FAM151A: variants seen among roughly 807,000 people sequenced by gnomAD.
The protein encoded by FAM151A is protein FAM151A.
Under a neutral mutation model 40.4 loss-of-function variants are expected in FAM151A, and 41 were observed. That is an observed-to-expected ratio of 1.01 (90% CI 0.79 to 1.32). The LOEUF (loss-of-function observed/expected upper bound fraction) is 1.32. FAM151A is among the 40% of genes most tolerant of loss of function. The pLI is 0.00. For missense variants in FAM151A, 740 were observed against 740.4 expected, an observed-to-expected ratio of 1.00 and a Z score of 0.01; for synonymous variants, 337 against 312.5, an observed-to-expected ratio of 1.08 and a Z score of -0.83.
At position 54,612,683 on chromosome 1, in the gene FAM151A, A is replaced by C. The variant is rs760898323; in HGVS notation, c.603T>G (p.Tyr201Ter). The C allele has an allele frequency of 1.9e-6, 3 of 1,613,890 alleles. No individual in the cohort carries two copies. Among genetic ancestry groups the C allele is most frequent in the Non-Finnish European group, 2.5e-6 (3 of 1,179,962 alleles). ...TQFLALVQEK[Y>*]PKATLSPGWT... ...AGCCTGGAGATAGGGTAGCCTTGGG[A>C]TACTTCTCCTGGACCAGGGCCAGGA... The change falls in exon 5 of 8, where the codon TAT becomes TAG. Residue 201 changes from tyrosine (Y) to a stop codon, truncating the protein, a stop_gained. Coordinates refer to ENST00000302250, the MANE Select transcript of FAM151A (RefSeq NM_176782.3). LOFTEE classifies it high-confidence loss of function.
chr1:54,614,633 C>T, intron 4 of FAM151A, 67 bp downstream of exon 4: 2 of 1,509,482 alleles, frequency 1.3e-6, no homozygotes, highest in Non-Finnish European at 1.8e-6. Flanking sequence ...CCCTAAGATC[C>T]CCATCCTGTG....
Position 54,609,705 on chromosome 1 carries a change from C to T in FAM151A, c.1321G>A (p.Val441Met), listed in dbSNP as rs764148627. ...LSSLGLLHWP[V>M]WVGAKISHGS... ...TGGGAGATTTTGGCCCCAACCCACA[C>T]AGGCCAATGCAAGAGGCCAAGGCTG... The change falls in exon 8 of 8, where the codon GTG becomes ATG. Residue 441 changes from valine (V) to methionine (M), a missense_variant. Coordinates refer to ENST00000302250, the MANE Select transcript of FAM151A (RefSeq NM_176782.3). The T allele has an allele frequency of 1.2e-6, 2 of 1,614,126 alleles. No individual in the cohort carries two copies. Among genetic ancestry groups the T allele is most frequent in the Admixed American group, 1.7e-5 (1 of 60,038 alleles).
Position 54,609,724 on chromosome 1 carries a change from A to G in FAM151A, c.1302T>C (p.Leu434=). 1 of 1,614,126 alleles carries G rather than the reference A, an allele frequency of 6.2e-7. No homozygotes were observed. The highest frequency in any genetic ancestry group is 2.2e-5 in the East Asian group (1 of 44,884). The change falls in exon 8 of 8, where the codon CTT becomes CTC. Residue 434 remains leucine, a synonymous_variant. Coordinates refer to ENST00000302250, the MANE Select transcript of FAM151A (RefSeq NM_176782.3). ...CCCACACAGGCCAATGCAAGAGGCC[A>G]AGGCTGGAGAGGCGTGCCAGCAAGG... The part of the protein sequence containing the change: ...SLALLARLSS[L]GLLHWPVWVG...
At chr1:54,614,931 G>A (rs1644156018) in intron 3 of FAM151A, 72 bp from the exon 4 acceptor site, 2 of 1,359,300 alleles carry the variant, frequency 1.5e-6, no homozygotes, top group Non-Finnish European at 2.0e-6. Context: ...TGGGCAGAAA[G>A]CAGAGCGGGT....
chr1:54,622,991 A>G (rs2101027998), intron 1 of FAM151A, among the ~76,000 whole-genome samples: 1 of 152,116 alleles, frequency 6.6e-6, no homozygotes. Flanking sequence ...CCTGGCCAAC[A>G]TGGTGAAACC....
At position 54,610,520 on chromosome 1, in the gene FAM151A, C is replaced by T; in HGVS notation, c.976G>A (p.Gly326Ser). ...AGCTGGAGAAGAGGGATCAGGCTGC[C>T]TCCCGTGTAGTACATTGGTTTCCGT... is the stretch of plus-strand genomic sequence containing the variant. ...ATRKPMYYTG[G>S]SLIPLLQLPG... Residue 326 changes from glycine (G) to serine (S), a missense_variant, in exon 7 of 8, where the codon GGC becomes AGC. By Grantham distance (56) the Gly-to-Ser change is moderately conservative. Coordinates refer to ENST00000302250, the MANE Select transcript of FAM151A (RefSeq NM_176782.3). 2 of 1,613,530 alleles carry T rather than the reference C, an allele frequency of 1.2e-6. No homozygotes were observed. The highest frequency in any genetic ancestry group is 1.7e-6 in the Non-Finnish European group (2 of 1,179,662).
intron 2 of FAM151A, among the ~76,000 whole-genome samples, chr1:54,617,709 ATTTTTTTTTTTTT>A (rs56229276): frequency 0.012 from 660 of 55,814 alleles, 11 homozygotes; most frequent in African/African-American, 0.043. Flanking sequence ...AGGGCCTGAG[ATTTTTTTTTTTTT>A]TTTTTTTTTT....
intron 4 of FAM151A, 49 bp downstream of exon 4, chr1:54,614,651 T>C (rs778838842): frequency 6.4e-7 from 1 of 1,563,880 alleles, no homozygotes; most frequent in Non-Finnish European, 8.7e-7. Context: ...GTGGTAGGTG[T>C]TGACAGAAGA....
intron 3 of FAM151A, among the ~76,000 whole-genome samples, chr1:54,615,413 G>C (rs1644162403): frequency 6.6e-6 from 1 of 152,140 alleles, no homozygotes; most frequent in African/African-American, 2.4e-5. Flanking sequence ...TAAAAGAGAG[G>C]CGTGGCATGA....
intron 5 of FAM151A, among the ~76,000 whole-genome samples, chr1:54,612,249 A>G (rs1050085547): frequency 6.6e-6 from 1 of 151,802 alleles, no homozygotes; most frequent in Non-Finnish European, 1.5e-5. Flanking sequence ...GTGTCTTGGT[A>G]TAAATATTTT....
At chr1:54,614,417 G>A (rs541557143) in intron 4 of FAM151A, among the ~76,000 whole-genome samples, 74 of 133,888 alleles carry the variant, frequency 5.5e-4, no homozygotes, top group African/African-American at 1.6e-3. Flanking sequence ...TGAAGTCAGG[G>A]CTGTGTTAGA....
intron 2 of FAM151A, among the ~76,000 whole-genome samples, chr1:54,619,127 G>A (rs185412676): frequency 1.6e-4 from 25 of 152,312 alleles, no homozygotes. Flanking sequence ...GGGGCCAGCA[G>A]CCTCAGCATC....
At chr1:54,613,824 A>T (rs771800756) in intron 4 of FAM151A, among the ~76,000 whole-genome samples, 5 of 152,214 alleles carry the variant, frequency 3.3e-5, no homozygotes, top group Admixed American at 2.6e-4. Flanking sequence ...GAGAAGCACA[A>T]TAATAAATTG....
rs138880093 is a variant in FAM151A, at chr1:54,609,679, G to A, written c.1347C>T (p.His449=). ...CATGGCCGGGGACCGAAAAACTCCC[G>A]TGGGAGATTTTGGCCCCAACCCACA... ...WPVWVGAKIS[H]GSFSVPGHVA... The change falls in exon 8 of 8, where the codon CAC becomes CAT. Residue 449 remains histidine (H), a synonymous_variant. Coordinates refer to ENST00000302250, the MANE Select transcript of FAM151A (RefSeq NM_176782.3). The A allele has an allele frequency of 8.0e-4, 1,289 of 1,614,004 alleles. 9 individuals carry two copies. In the East Asian group the frequency reaches 0.021, roughly 26 times the overall value.
intron 2 of FAM151A, among the ~76,000 whole-genome samples, chr1:54,619,323 G>C (rs1011246646): frequency 6.6e-6 from 1 of 152,216 alleles, no homozygotes; most frequent in Non-Finnish European, 1.5e-5. Context: ...CTTGGAGCGT[G>C]CACTCTGGGA....
intron 3 of FAM151A, 119 bp from the exon 4 acceptor site, chr1:54,614,978 G>C (rs1644157699): frequency 1.0e-6 from 1 of 989,258 alleles, no homozygotes; most frequent in South Asian, 1.6e-5. Flanking sequence ...AGTGGAGTCA[G>C]GGGAGGGCGG....
Position 54,610,327 on chromosome 1 carries a change from C to T in FAM151A, c.1084+85G>A, listed in dbSNP as rs905488302. Reference sequence around the variant, plus strand: ...TGTAAATAAACCTGTGTTGCCATGGCAACAGAGACCGGCGGTACCTGCCCC... The same window carrying T: ...TGTAAATAAACCTGTGTTGCCATGGTAACAGAGACCGGCGGTACCTGCCCC... On this transcript the variant is annotated intron_variant, in intron 7 of 7. Transcript: ENST00000302250. 6 of 1,556,638 alleles carry T rather than the reference C, an allele frequency of 3.9e-6. No homozygotes were observed. In the African/African-American group the frequency reaches 6.8e-5, roughly 18 times the overall value.
chr1:54,616,760 T>C (rs1644177886), intron 2 of FAM151A, among the ~76,000 whole-genome samples: 1 of 152,208 alleles, frequency 6.6e-6, no homozygotes, highest in South Asian at 2.1e-4. Context: ...CCACGATCTT[T>C]TTTTATGCAT....
intron 3 of FAM151A, 36 bp from the exon 4 acceptor site, chr1:54,614,895 G>A (rs76533361): frequency 0.042 from 66,936 of 1,603,250 alleles, 2,493 homozygotes; most frequent in Admixed American, 0.16. Context: ...GGGAAATGGC[G>A]AAGGAACTAG....
Sources: allele counts gnomAD v4.1 joint callset (sites outside exome capture counted in the v4.1 genomes callset), GRCh38; gene constraint gnomAD v4.1.1; transcripts MANE v1.5; gene names NCBI Gene and HGNC (gene_info 2026-07-23, HGNC 2026-07-21).